PRKCH: variants seen among roughly 807,000 people sequenced by gnomAD.
PRKCH encodes protein kinase C eta type.
In PRKCH, 28 loss-of-function variants were observed where a neutral mutation model predicts 82.5. The ratio of observed to expected loss-of-function variants is 0.34; its 90% confidence interval spans 0.25 to 0.47. The LOEUF (loss-of-function observed/expected upper bound fraction) is 0.47. Ranked by LOEUF, PRKCH falls within the 20% of genes least tolerant of loss-of-function variation. The pLI, the probability that PRKCH is intolerant of heterozygous loss-of-function variation, is 1.00. For missense variants in PRKCH, 705 were observed against 881.8 expected (o/e 0.80, Z 2.54); for synonymous variants, 322 against 327.4 (o/e 0.98, Z 0.18).
Position 61,280,985 on chromosome 14 carries a change from A to T in PRKCH, c.-19+93317A>T. On this transcript the variant is annotated intron_variant, in intron 1 of 3. Coordinates refer to the PRKCH transcript ENST00000555185. The surrounding 1 kb of genome is among the most constrained non-coding windows in gnomAD (Gnocchi z 5.0). Reference sequence around the variant, plus strand: ...AGCTCCTTGATGCCGTTGGAGGAGTAGTAGAGGCCCAGGCCCAGGCCGATG... The same window carrying T: ...AGCTCCTTGATGCCGTTGGAGGAGTTGTAGAGGCCCAGGCCCAGGCCGATG... The T allele has an allele frequency of 1.3e-6, 2 of 1,542,562 alleles. No individual in the cohort carries two copies. Among genetic ancestry groups the T allele is most frequent in the Non-Finnish European group, 1.7e-6 (2 of 1,146,654 alleles).
At chr14:61,481,990 CTTTTTTTTTTT>C (rs35134897) in intron 9 of PRKCH, among the ~76,000 whole-genome samples, 3 of 101,076 alleles carry the variant, frequency 3.0e-5, no homozygotes, top group South Asian at 3.5e-4. Context: ...TTTCCTTTTC[CTTTTTTTTTTT>C]TTTTTTTTTT....
chr14:61,191,648 T>C (rs909926421), intron 1 of PRKCH, among the ~76,000 whole-genome samples: 1 of 138,912 alleles, frequency 7.2e-6, no homozygotes, highest in Non-Finnish European at 1.6e-5. Flanking sequence ...ACTGCAGCCC[T>C]GTCTCAAAAA....
At chr14:61,446,794 T>C (rs935686556) in intron 4 of PRKCH, among the ~76,000 whole-genome samples, 2 of 152,268 alleles carry the variant, frequency 1.3e-5, no homozygotes, top group African/African-American at 4.8e-5. Context: ...CAGTCCATGG[T>C]AGCCCATCTT....
intron 1 of PRKCH, among the ~76,000 whole-genome samples, chr14:61,301,044 G>A (rs1055754449): frequency 2.0e-5 from 3 of 152,076 alleles, no homozygotes; most frequent in Non-Finnish European, 2.9e-5. Flanking sequence ...CCATGGGACC[G>A]GAAGACCCAC....
intron 1 of PRKCH, among the ~76,000 whole-genome samples, chr14:61,335,527 T>C (rs2045845465): frequency 6.6e-6 from 1 of 151,940 alleles, no homozygotes; most frequent in Admixed American, 6.6e-5. Context: ...ATACTAACAG[T>C]AATCATAAAG....
intron 1 of PRKCH, among the ~76,000 whole-genome samples, chr14:61,365,758 G>A (rs1481132256): frequency 6.6e-6 from 1 of 151,956 alleles, no homozygotes. Flanking sequence ...TACGATTCTT[G>A]CCCCTAGATA....
At chr14:61,505,385 CTTTTCTTTTCTTTTTTTTTTTT>C (rs1322286280) in intron 10 of PRKCH, among the ~76,000 whole-genome samples, 1 of 75,052 alleles carries the variant, frequency 1.3e-5, no homozygotes, top group East Asian at 4.6e-4. Flanking sequence ...CTTTTCTTTT[CTTTTCTTTTCTTTTTTTTTTTT>C]TTTTTTTTTT....
chr14:61,449,090 C>G, intron 4 of PRKCH, 74 bp from the exon 5 acceptor site: 2 of 1,404,368 alleles, frequency 1.4e-6, no homozygotes, highest in South Asian at 1.2e-5. Flanking sequence ...CGGTGCAGCC[C>G]TGGTTGACTC....
chr14:61,509,834 G>C (rs961953085), intron 10 of PRKCH, among the ~76,000 whole-genome samples: 1 of 152,196 alleles, frequency 6.6e-6, no homozygotes, highest in African/African-American at 2.4e-5. Flanking sequence ...AGGATCACTT[G>C]AATCTGGGAG....
At chr14:61,418,508 G>A (rs1371933458) in intron 2 of PRKCH, among the ~76,000 whole-genome samples, 1 of 152,336 alleles carries the variant, frequency 6.6e-6, no homozygotes. Flanking sequence ...GTATCGTGTG[G>A]CTCTGTCTTT....
chr14:61,421,029 C>T (rs1205354629), intron 2 of PRKCH, among the ~76,000 whole-genome samples: 1 of 151,370 alleles, frequency 6.6e-6, no homozygotes, highest in Non-Finnish European at 1.5e-5. Flanking sequence ...AATACACAGA[C>T]CATTGAACTG....
chr14:61,300,075 T>C (rs1173858011), intron 1 of PRKCH, among the ~76,000 whole-genome samples: 1 of 152,202 alleles, frequency 6.6e-6, no homozygotes, highest in Non-Finnish European at 1.5e-5. Flanking sequence ...ATGTCCAAAG[T>C]CTCATTTCTC....
chr14:61,281,270 T>A, intron 1 of PRKCH: 1 of 517,938 alleles, frequency 1.9e-6, no homozygotes, highest in African/African-American at 2.0e-5. Flanking sequence ...CCAGCTCAGG[T>A]GGGTTTTTGC....
At chr14:61,367,818 C>A (rs2046316756) in intron 1 of PRKCH, among the ~76,000 whole-genome samples, 1 of 151,316 alleles carries the variant, frequency 6.6e-6, no homozygotes, top group South Asian at 2.1e-4. Flanking sequence ...AGGTTCACGC[C>A]ATTCTCCTGC....
At chr14:61,435,403 G>T (rs1883628317) in intron 2 of PRKCH, among the ~76,000 whole-genome samples, 1 of 152,228 alleles carries the variant, frequency 6.6e-6, no homozygotes, top group Admixed American at 6.5e-5. Flanking sequence ...GTGACTCCAA[G>T]GATAGTGGTA....
intron 10 of PRKCH, among the ~76,000 whole-genome samples, chr14:61,501,863 G>T (rs1005855856): frequency 1.3e-5 from 2 of 152,020 alleles, no homozygotes; most frequent in Non-Finnish European, 2.9e-5. Context: ...TCTTCCTCAA[G>T]ACATGTCCTT....
At chr14:61,213,616 C>T (rs1052602214) in intron 1 of PRKCH, among the ~76,000 whole-genome samples, 2 of 152,178 alleles carry the variant, frequency 1.3e-5, no homozygotes, top group East Asian at 1.9e-4. Context: ...CAAATTTCCT[C>T]TCAAATAAAC....
intron 1 of PRKCH, among the ~76,000 whole-genome samples, chr14:61,243,282 C>T (rs970039122): frequency 3.3e-5 from 5 of 150,952 alleles, no homozygotes; most frequent in Non-Finnish European, 5.9e-5. Context: ...CCTGTAGTCC[C>T]AGCTACTCAG....
chr14:61,488,957 A>G (rs1428768808), intron 10 of PRKCH, among the ~76,000 whole-genome samples: 1 of 152,184 alleles, frequency 6.6e-6, no homozygotes, highest in East Asian at 1.9e-4. Context: ...TTTGAAGGGA[A>G]CACAGTTAAT....
Sources: allele counts gnomAD v4.1 joint callset (sites outside exome capture counted in the v4.1 genomes callset), GRCh38; gene constraint gnomAD v4.1.1; non-coding constraint Gnocchi (gnomAD v3.1); transcripts MANE v1.5; gene names NCBI Gene and HGNC (gene_info 2026-07-23, HGNC 2026-07-21).